The following SATL1 variants were observed in gnomAD, a reference collection of about 807,000 sequenced individuals.
SATL1 encodes spermidine/spermine N1-acetyl transferase like 1, also known as spermidine/spermine N(1)-acetyltransferase-like protein 1.
Under a neutral mutation model 51.8 loss-of-function variants are expected in SATL1, and 47 were observed. The ratio of observed to expected loss-of-function variants is 0.91; its 90% CI spans 0.72 to 1.16. SATL1 has a LOEUF of 1.16. Ranked by LOEUF, SATL1 falls within the 50% of genes most tolerant of loss-of-function variation. The pLI, the probability that SATL1 is intolerant of heterozygous loss-of-function variation, is 0.00. For missense variants in SATL1, 520 were observed against 526.4 expected, an observed-to-expected ratio of 0.99 and a Z score of 0.12; for synonymous variants, 176 against 182.4, an observed-to-expected ratio of 0.97 and a Z score of 0.28.
rs188990758 is a variant in SATL1, at chrX:85,146,620, G to A, written c.-312-37340C>T. 2.9e-3 allele frequency among the ~76,000 whole-genome samples: 325 copies of A among 112,189 alleles called. 1 individual carries two copies. The highest frequency in any genetic ancestry group is 5.3e-3 in the Non-Finnish European group (283 of 53,189). On this transcript the variant is annotated intron_variant, in intron 2 of 7. Transcript: ENST00000644105. ...GAATCTATCACCTGTGAATAAGTGGGGACTACTGTTTATTGGAATAACACA... is the reference window on the plus strand; with the variant it reads ...GAATCTATCACCTGTGAATAAGTGGAGACTACTGTTTATTGGAATAACACA...
Position 85,099,750 on chromosome X carries a change from A to G in SATL1, c.1693+4114T>C, listed in dbSNP as rs767012505. On this transcript the variant is annotated intron_variant, in intron 4 of 7. Coordinates refer to ENST00000644105, the MANE Select transcript of SATL1 (RefSeq NM_001367857.2). ...TAGGAATAGAGGGACATTCCTCAAC[A>G]TGATACAGCGTACTTATGAAAACGA... Among the ~76,000 whole-genome samples, 11 of 111,939 alleles carry G rather than the reference A, an allele frequency of 9.8e-5. No individual in the cohort carries two copies. In the South Asian group the frequency reaches 4.1e-3, roughly 42 times the overall value.
chrX:85,105,743 T>A (rs1925023146), intron 3 of SATL1, among the ~76,000 whole-genome samples: 1 of 112,238 alleles, frequency 8.9e-6, no homozygotes, highest in Non-Finnish European at 1.9e-5. Flanking sequence ...GAGAGAATGT[T>A]TTGCAAACTT....
intron 2 of SATL1, among the ~76,000 whole-genome samples, chrX:85,222,334 GA>G (rs761618557): frequency 1.2e-4 from 13 of 111,795 alleles, no homozygotes; most frequent in African/African-American, 3.9e-4. Context: ...GATTAGTCAA[GA>G]AATCATAACT....
intron 5 of SATL1, 125 bp downstream of exon 5, chrX:85,094,790 TA>T: frequency 2.2e-6 from 1 of 462,270 alleles, no homozygotes. Context: ...GCATTTTCTT[TA>T]AAAAAACTGG....
intron 2 of SATL1, among the ~76,000 whole-genome samples, chrX:85,204,604 G>A (rs776861501): frequency 1.3e-3 from 146 of 111,884 alleles, no homozygotes; most frequent in African/African-American, 4.4e-3. Context: ...ATTATTTGGA[G>A]CAAAGACAGG....
At chrX:85,231,471 A>C (rs67695375) in intron 1 of SATL1, among the ~76,000 whole-genome samples, 14,375 of 111,531 alleles carry the variant, frequency 0.13, 711 homozygotes, top group South Asian at 0.18. Flanking sequence ...TCATTAGAAC[A>C]AAAAAATCAG....
At chrX:85,120,262 T>A (rs1371416532) in intron 2 of SATL1, among the ~76,000 whole-genome samples, 1 of 111,559 alleles carries the variant, frequency 9.0e-6, no homozygotes, top group African/African-American at 3.3e-5. Context: ...TCACAAATCT[T>A]ACTAACCTTT....
intron 3 of SATL1, among the ~76,000 whole-genome samples, chrX:85,104,698 C>T (rs1047119947): frequency 1.8e-5 from 2 of 111,000 alleles, no homozygotes; most frequent in African/African-American, 3.3e-5. Context: ...GTTCAAGCCC[C>T]TTATATAGCA....
Position 85,103,920 on chromosome X carries a change from C to A in SATL1, c.1642-5G>T. 1 of 1,159,080 alleles carries A rather than the reference C, an allele frequency of 8.6e-7. No homozygotes were observed. The highest frequency in any genetic ancestry group is 1.8e-5 in the South Asian group (1 of 55,572). On this transcript the variant is annotated splice_region_variant and splice_polypyrimidine_tract_variant and intron_variant, in intron 3 of 7. Coordinates refer to ENST00000644105, the MANE Select transcript of SATL1 (RefSeq NM_001367857.2). ...GTTTTCACAGGCAGCCAATTCCTGT[C>A]AAAGTAGATAAAACCTTCAGTTTAT...
Position 85,092,468 on chromosome X carries a change from C to T in SATL1, c.2011G>A (p.Asp671Asn), listed in dbSNP as rs1569462974. 1 of 1,206,464 alleles carries T rather than the reference C, an allele frequency of 8.3e-7. No homozygotes were observed. ...INYYTSRGALDLSSEEGWHLF... is the reference protein window; with the variant it reads ...INYYTSRGALNLSSEEGWHLF... ...TGCCAGCCCTCCTCAGAGGAAAGGT[C>T]TAAAGCCCCTCGACTAGTATAGTAG... is the stretch of plus-strand genomic sequence containing the variant. The change falls in exon 8 of 8, where the codon GAC (aspartate) becomes AAC (asparagine). Residue 671 changes from aspartate (D) to asparagine (N), a missense_variant. Transcript: ENST00000644105.
intron 2 of SATL1, among the ~76,000 whole-genome samples, chrX:85,121,358 T>C (rs1925502082): frequency 9.5e-6 from 1 of 104,956 alleles, no homozygotes; most frequent in African/African-American, 3.4e-5. Context: ...TATAAAAATA[T>C]ATGTATGTAT....
chrX:85,232,704 T>G (rs1569251728), intron 1 of SATL1, among the ~76,000 whole-genome samples: 1 of 111,375 alleles, frequency 9.0e-6, no homozygotes, highest in East Asian at 2.9e-4. Context: ...GCAACTCCTT[T>G]GCCTGTGAAA....
intron 3 of SATL1, 146 bp from the exon 4 acceptor site, chrX:85,104,061 A>G (rs1602831549): frequency 2.5e-6 from 1 of 407,296 alleles, no homozygotes; most frequent in African/African-American, 2.5e-5. Flanking sequence ...CCAGTCATCT[A>G]GAAACAAAAT....
chrX:85,116,342 G>T (rs1193182350), intron 2 of SATL1: 1 of 111,606 alleles, frequency 9.0e-6, no homozygotes, highest in Non-Finnish European at 1.9e-5. Context: ...CTTGGAAGAG[G>T]GCCAAGCAGG....
At chrX:85,122,718 G>A (rs1412234691) in intron 2 of SATL1, among the ~76,000 whole-genome samples, 1 of 112,094 alleles carries the variant, frequency 8.9e-6, no homozygotes, top group Non-Finnish European at 1.9e-5. Context: ...TGGGTAAGCT[G>A]TATGTTCAGG....
intron 2 of SATL1, among the ~76,000 whole-genome samples, chrX:85,147,322 T>A (rs1926281318): frequency 1.8e-5 from 2 of 112,077 alleles, no homozygotes; most frequent in South Asian, 7.4e-4. Flanking sequence ...GCTGGGAAGC[T>A]CCAACTGGGT....
chrX:85,137,627 T>C (rs1925994355), intron 2 of SATL1, among the ~76,000 whole-genome samples: 1 of 111,771 alleles, frequency 8.9e-6, no homozygotes, highest in East Asian at 2.8e-4. Flanking sequence ...ATTATATATC[T>C]AGGTATAGCG....
At chrX:85,116,405 T>A (rs1006015349) in intron 2 of SATL1, among the ~76,000 whole-genome samples, 1 of 112,048 alleles carries the variant, frequency 8.9e-6, no homozygotes, top group African/African-American at 3.2e-5. Context: ...GTTTTATATG[T>A]TGGCATACTT....
chrX:85,168,023 A>C (rs920760696), intron 2 of SATL1, among the ~76,000 whole-genome samples: 1 of 85,095 alleles, frequency 1.2e-5, no homozygotes, highest in Non-Finnish European at 2.6e-5. Context: ...AACTAAGAAC[A>C]AAAAAAAAAA....
Sources: gnomAD v4.1 joint callset for allele counts (sites outside exome capture counted in the v4.1 genomes callset) on GRCh38, gnomAD v4.1.1 for gene constraint, MANE v1.5 for transcripts, NCBI Gene and HGNC (gene_info 2026-07-23, HGNC 2026-07-21) for gene names.